Variants in IL17RE observed in about 807,000 individuals in gnomAD.
IL17RE encodes interleukin 17 receptor E.
IL17RE carries 47 observed loss-of-function variants against 70.7 expected under a neutral mutation model. That is an observed-to-expected ratio of 0.67 (90% confidence interval 0.53 to 0.85). The LOEUF is 0.85. IL17RE is among the 40% of genes least tolerant of loss of function. The pLI, the probability that IL17RE is intolerant of heterozygous loss-of-function variation, is 0.00. For synonymous variants in IL17RE, 372 were observed against 381.2 expected, an observed-to-expected ratio of 0.98 and a Z score of 0.28; for missense variants, 850 against 893.9, an observed-to-expected ratio of 0.95 and a Z score of 0.63.
chr3:9,909,205 C>T lies in IL17RE; in HGVS notation c.736-12C>T, dbSNP rs371263464. 35 of 1,612,556 alleles carry T rather than the reference C, an allele frequency of 2.2e-5. No individual in the cohort carries two copies. The African/African-American group carries it at 4.0e-4, about 18-fold the overall frequency. On this transcript the variant is annotated splice_polypyrimidine_tract_variant and intron_variant, in intron 7 of 15. Transcript: ENST00000383814. Reference sequence around the variant, plus strand: ...TTCCTCTGACCCTCCCCACCTGCTCCCGTCTCTCCAGGCATCCTACCTGCA... The same window carrying T: ...TTCCTCTGACCCTCCCCACCTGCTCTCGTCTCTCCAGGCATCCTACCTGCA...
At chr3:9,912,668 G>A (rs1315431145) in intron 12 of IL17RE, among the ~76,000 whole-genome samples, 2 of 152,146 alleles carry the variant, frequency 1.3e-5, no homozygotes, top group African/African-American at 4.8e-5. Context: ...GTTTTGCATT[G>A]TATGAGGGCT....
At chr3:9,913,863 T>C in intron 12 of IL17RE, 93 bp from the exon 13 acceptor site, 1 of 976,586 alleles carries the variant, frequency 1.0e-6, no homozygotes. Flanking sequence ...ATTGGGGGTG[T>C]GGTGGGGAGG....
chr3:9,908,732 A>G (rs1575486458), intron 7 of IL17RE, among the ~76,000 whole-genome samples: 1 of 152,218 alleles, frequency 6.6e-6, no homozygotes, highest in Admixed American at 6.5e-5. Context: ...TCTAAGGAAC[A>G]TAGCAGAAAG....
At chr3:9,904,473 C>T (rs2082706932) in intron 3 of IL17RE, among the ~76,000 whole-genome samples, 3 of 152,150 alleles carry the variant, frequency 2.0e-5, no homozygotes. Context: ...ACTAAATGCC[C>T]TTACATTGCT....
At chr3:9,905,777 G>T (rs950359831) in intron 3 of IL17RE, among the ~76,000 whole-genome samples, 1 of 152,142 alleles carries the variant, frequency 6.6e-6, no homozygotes, top group Admixed American at 6.5e-5. Context: ...CCAAGATCGC[G>T]CCGCTGCACT....
intron 6 of IL17RE, among the ~76,000 whole-genome samples, chr3:9,907,785 A>T (rs1490983448): frequency 1.3e-5 from 2 of 151,988 alleles, no homozygotes; most frequent in African/African-American, 2.4e-5. Context: ...CATTCTCCCA[A>T]CCTGGGCCCC....
In IL17RE at chr3:9,904,062, G is replaced by C. The variant is rs760437006; in HGVS notation, c.179G>C (p.Trp60Ser). Residue 60 changes from tryptophan to serine, a missense_variant, in exon 3 of 16, where the codon TGG becomes TCG. By Grantham distance (177) the Trp-to-Ser change is radical. Coordinates refer to ENST00000383814, the MANE Select transcript of IL17RE (RefSeq NM_153480.2). ...GSSAYIPCRT[W>S]WALFSTKPWC... ...TCTGCCTATATCCCTTGCCGCACCT[G>C]GTGGGCCCTCTTCTCCACAAAGCCT... is the stretch of plus-strand genomic sequence containing the variant. The C allele has an allele frequency of 5.6e-6, 9 of 1,614,146 alleles. No homozygotes were observed. The highest frequency in any genetic ancestry group is 7.6e-6 in the Non-Finnish European group (9 of 1,180,024).
Position 9,904,068 on chromosome 3 carries a change from C to A in IL17RE, c.185C>A (p.Ala62Asp). The change falls in exon 3 of 16, where the codon GCC becomes GAC. Residue 62 changes from alanine to aspartate, a missense_variant. Ala to Asp is a moderately radical substitution (Grantham distance 126). Coordinates refer to ENST00000383814, the MANE Select transcript of IL17RE (RefSeq NM_153480.2). ...TATATCCCTTGCCGCACCTGGTGGG[C>A]CCTCTTCTCCACAAAGCCTTGGTGT... ...SAYIPCRTWW[A>D]LFSTKPWCVR... The A allele has an allele frequency of 1.2e-6, 2 of 1,614,198 alleles. No homozygotes were observed. Among genetic ancestry groups the A allele is most frequent in the Non-Finnish European group, 1.7e-6 (2 of 1,180,022 alleles).
intron 6 of IL17RE, among the ~76,000 whole-genome samples, chr3:9,907,549 C>A (rs919225283): frequency 6.6e-6 from 1 of 152,014 alleles, no homozygotes; most frequent in Non-Finnish European, 1.5e-5. Flanking sequence ...GTATTTACCC[C>A]CAATGAGAGG....
rs113916510 is a variant in IL17RE, at chr3:9,904,976, T to C, written c.268+825T>C. Among the ~76,000 whole-genome samples the C allele has an allele frequency of 6.4e-3, 956 of 148,460 alleles. 8 individuals are homozygous for C. Among genetic ancestry groups the C allele is most frequent in the African/African-American group, 0.023 (903 of 39,998 alleles). On this transcript the variant is annotated intron_variant, in intron 3 of 15. Transcript: ENST00000383814. Reference sequence around the variant, plus strand: ...TGGATGTGGTAGTGCACACCTGAAGTCCCAGCTACTTGGGAAGCTGAGGTG... The same window carrying C: ...TGGATGTGGTAGTGCACACCTGAAGCCCCAGCTACTTGGGAAGCTGAGGTG...
Position 9,915,767 on chromosome 3 carries a change from G to T in IL17RE, c.1964G>T (p.Arg655Leu), listed in dbSNP as rs757201402. 6.5e-7 allele frequency: 1 copy of T among 1,534,358 alleles called. No homozygotes were observed. ...RRQSRLELCSRLEREAARLAD... is the reference protein window; with the variant it reads ...RRQSRLELCSLLEREAARLAD... The stretch of plus-strand genomic sequence containing the variant: ...CAGAGCCGCCTAGAGCTGTGCAGCC[G>T]GCTCGAACGAGAGGCCGCCCGACTT... Residue 655 changes from arginine (R) to leucine (L), a missense_variant, in exon 16 of 16, where the codon CGG (arginine) becomes CTG (leucine). Physicochemically the swap from Arg to Leu is moderately radical, Grantham distance 102. Coordinates refer to ENST00000383814, the MANE Select transcript of IL17RE (RefSeq NM_153480.2). The surrounding 1 kb of genome is among the most constrained non-coding windows in gnomAD (Gnocchi z 4.9).
chr3:9,911,036 A>G lies in IL17RE; in HGVS notation c.974A>G (p.Asp325Gly). ...CCGAATGCCACAGCTCGAGAGTCAGATGGGGTGAGGACAGGTTCCCCCAGG... is the reference window on the plus strand; with the variant it reads ...CCGAATGCCACAGCTCGAGAGTCAGGTGGGGTGAGGACAGGTTCCCCCAGG... ...DLPNATARES[D>G]GWYVLEKVDL... is the part of the protein sequence containing the mutation. The change falls in exon 9 of 16, where the codon GAT becomes GGT. Residue 325 changes from aspartate (D) to glycine (G), a missense_variant. Asp to Gly is a moderately conservative substitution (Grantham distance 94, BLOSUM62 -1). Transcript: ENST00000383814. The G allele has an allele frequency of 6.2e-7, 1 of 1,614,096 alleles. No homozygotes were observed. The highest frequency in any genetic ancestry group is 8.5e-7 in the Non-Finnish European group (1 of 1,179,994).
At chr3:9,911,659 C>T in intron 12 of IL17RE, 62 bp downstream of exon 12, 2 of 1,482,502 alleles carry the variant, frequency 1.3e-6, no homozygotes, top group Non-Finnish European at 1.9e-6. Context: ...TCCTTGTGAC[C>T]TCATTGAGAT....
chr3:9,914,037 A>T lies in IL17RE; in HGVS notation c.1296+13A>T. 1.2e-6 allele frequency: 2 copies of T among 1,601,130 alleles called. No individual in the cohort carries two copies. Among genetic ancestry groups the T allele is most frequent in the Non-Finnish European group, 1.7e-6 (2 of 1,168,208 alleles). On this transcript the variant is annotated intron_variant, in intron 13 of 15. Coordinates refer to ENST00000383814, the MANE Select transcript of IL17RE (RefSeq NM_153480.2). ...GTGCTGTGTCCTGGTAAGGAAACCT[A>T]CCCTCACTCTACATACAGAGCCTTG... is the stretch of plus-strand genomic sequence containing the variant.
At position 9,902,873 on chromosome 3, in the gene IL17RE, C is replaced by T. The variant is rs752257213; in HGVS notation, c.-60C>T. On this transcript the variant is annotated 5_prime_UTR_variant, in exon 1 of 16. Coordinates refer to ENST00000383814, the MANE Select transcript of IL17RE (RefSeq NM_153480.2). ...GTGTTCGCTGCTGCACAGCAAGGCC[C>T]TGCCACCCACCTTCAGGCCATGCAG... is the stretch of plus-strand genomic sequence containing the variant. 2.2e-5 allele frequency: 35 copies of T among 1,613,584 alleles called. No individual in the cohort carries two copies. In the Admixed American group the frequency reaches 5.7e-4, roughly 26 times the overall value.
Position 9,914,025 on chromosome 3 carries a change from G to A in IL17RE, c.1296+1G>A, listed in dbSNP as rs1333867672. Reference sequence around the variant, plus strand: ...CCTGAGGCCAGGGTGCTGTGTCCTGGTAAGGAAACCTACCCTCACTCTACA... The same window carrying A: ...CCTGAGGCCAGGGTGCTGTGTCCTGATAAGGAAACCTACCCTCACTCTACA... On this transcript the variant is annotated splice_donor_variant, in intron 13 of 15. Coordinates refer to ENST00000383814, the MANE Select transcript of IL17RE (RefSeq NM_153480.2). LOFTEE classifies it high-confidence loss of function. 1 of 1,611,442 alleles carries A rather than the reference G, an allele frequency of 6.2e-7. No individual in the cohort carries two copies. The highest frequency in any genetic ancestry group is 8.5e-7 in the Non-Finnish European group (1 of 1,177,542).
At chr3:9,913,772 G>C (rs1381463974) in intron 12 of IL17RE, among the ~76,000 whole-genome samples, 184 bp from the exon 13 acceptor site, 2 of 152,250 alleles carry the variant, frequency 1.3e-5, no homozygotes, top group African/African-American at 4.8e-5. Context: ...CAGGAGCTGA[G>C]CTCTGGGAAA....
At chr3:9,909,066 C>T (rs1326127781) in intron 7 of IL17RE, 151 bp from the exon 8 acceptor site, 12 of 635,478 alleles carry the variant, frequency 1.9e-5, no homozygotes, top group Non-Finnish European at 2.9e-5. Context: ...ACCCTTGCCC[C>T]CACCCCACAT....
In IL17RE at chr3:9,911,505, T is replaced by C; in HGVS notation, c.1135T>C (p.Ser379Pro). 6.2e-7 allele frequency: 1 copy of C among 1,614,128 alleles called. No individual in the cohort carries two copies. The highest frequency in any genetic ancestry group is 8.5e-7 in the Non-Finnish European group (1 of 1,179,994). ...AGCCCAGCAGCTGATTCTTCACTTC[T>C]CCTCAAGAATGCATGCCACCTTCAG... ...TQAQQLILHF[S>P]SRMHATFSAA... is the part of the protein sequence containing the mutation. Residue 379 changes from serine to proline, a missense_variant, in exon 12 of 16, where the codon TCC becomes CCC. Transcript: ENST00000383814.
Sources: allele counts gnomAD v4.1 joint callset (sites outside exome capture counted in the v4.1 genomes callset), GRCh38; gene constraint gnomAD v4.1.1; non-coding constraint Gnocchi (gnomAD v3.1); transcripts MANE v1.5; gene names NCBI Gene and HGNC (gene_info 2026-07-23, HGNC 2026-07-21).